VPS37A: variants seen among roughly 807,000 people sequenced by gnomAD.
VPS37A encodes vacuolar protein sorting-associated protein 37A.
In VPS37A, 30 loss-of-function variants were observed where a neutral mutation model predicts 49.8. The ratio of observed to expected loss-of-function variants is 0.60; its 90% CI spans 0.45 to 0.82. The LOEUF (loss-of-function observed/expected upper bound fraction) is 0.82. Among genes scored for constraint, VPS37A ranks in the 40% least tolerant of loss-of-function variants. The pLI, the probability that VPS37A is intolerant of heterozygous loss-of-function variation, is 0.00. For missense variants in VPS37A, 593 were observed against 464.4 expected, an observed-to-expected ratio of 1.28 and a Z score of -2.55; for synonymous variants, 195 against 160.6, an observed-to-expected ratio of 1.21 and a Z score of -1.62.
At chr8:17,319,557 AAATAAT>A in the VPS37A span, among the ~76,000 whole-genome samples, 4 of 152,246 alleles carry the variant, frequency 2.6e-5, no homozygotes, top group African/African-American at 2.4e-5. Flanking sequence ...GTTTTACCAG[AAATAAT>A]AATAATAATA....
intron 1 of VPS37A, among the ~76,000 whole-genome samples, chr8:17,252,950 T>G (rs1031666370): frequency 2.0e-5 from 3 of 152,234 alleles, no homozygotes; most frequent in Non-Finnish European, 4.4e-5. Flanking sequence ...ATCCTGTAAT[T>G]AAGTTAAAAC....
At chr8:17,310,537 C>T in the VPS37A span, among the ~76,000 whole-genome samples, 3 of 152,226 alleles carry the variant, frequency 2.0e-5, no homozygotes, top group African/African-American at 7.2e-5. Context: ...GACTGGCAAC[C>T]TCTTTACTCT....
At chr8:17,261,806 A>G (rs567894862) in intron 1 of VPS37A, among the ~76,000 whole-genome samples, 1 of 152,184 alleles carries the variant, frequency 6.6e-6, no homozygotes, top group African/African-American at 2.4e-5. Flanking sequence ...TTTCTGTGGA[A>G]TATATCTCCT....
downstream of VPS37A, chr8:17,300,272 C>A (rs760833349): frequency 1.3e-6 from 2 of 1,548,928 alleles, no homozygotes; most frequent in Non-Finnish European, 1.7e-6. Flanking sequence ...AATAACTTAT[C>A]TTTTTCTATA....
rs191745120 is a variant in VPS37A, at chr8:17,262,986, G to A, written c.126-2921G>A. Among the ~76,000 whole-genome samples the A allele has an allele frequency of 4.9e-3, 743 of 151,342 alleles. 8 individuals carry two copies. The highest frequency in any genetic ancestry group is 0.017 in the African/African-American group (714 of 41,080). On this transcript the variant is annotated intron_variant, in intron 1 of 11. Transcript: ENST00000324849. ...TGAGGCAGGAGAATCGGTTGAACCC[G>A]GGAGGCAGAGGTTGCAGTGAGCCGA... is the stretch of plus-strand genomic sequence containing the variant.
At chr8:17,263,950 A>G (rs1413848960) in intron 1 of VPS37A, among the ~76,000 whole-genome samples, 1 of 152,162 alleles carries the variant, frequency 6.6e-6, no homozygotes. Context: ...CAAAAAGACA[A>G]ACAAAAAACT....
intron 1 of VPS37A, among the ~76,000 whole-genome samples, chr8:17,265,475 C>T (rs11782959): frequency 0.21 from 32,358 of 151,986 alleles, 4,244 homozygotes; most frequent in East Asian, 0.59. Flanking sequence ...TAGGATGCGT[C>T]TCATCTAGAC....
chr8:17,263,890 A>C (rs1002470169), intron 1 of VPS37A, among the ~76,000 whole-genome samples: 1 of 152,164 alleles, frequency 6.6e-6, no homozygotes, highest in Admixed American at 6.5e-5. Context: ...CTAGTGAGCC[A>C]AGATCGTGTC....
the VPS37A span, chr8:17,331,340 A>G: frequency 6.6e-7 from 1 of 1,505,928 alleles, no homozygotes; most frequent in Non-Finnish European, 8.9e-7. Context: ...CAATGATGAA[A>G]CAACCAAAAC....
chr8:17,305,747 A>G (rs377660505), downstream of VPS37A: 18 of 1,597,974 alleles, frequency 1.1e-5, no homozygotes, highest in African/African-American at 2.1e-4. Flanking sequence ...AAAAACACCA[A>G]AACACTTACT....
chr8:17,281,891 G>A (rs910244229), intron 9 of VPS37A, among the ~76,000 whole-genome samples: 3 of 151,982 alleles, frequency 2.0e-5, no homozygotes, highest in Non-Finnish European at 2.9e-5. Context: ...GCTGAGTTTT[G>A]TATTTTCTAA....
downstream of VPS37A, among the ~76,000 whole-genome samples, chr8:17,307,084 C>T (rs1265680543): frequency 1.3e-5 from 2 of 152,106 alleles, no homozygotes; most frequent in Non-Finnish European, 2.9e-5. Flanking sequence ...GAAGAAACTA[C>T]CATCAGAGTG....
Position 17,247,376 on chromosome 8 carries a change from G to C in VPS37A, c.125+7G>C. ...TCCGGAACTCACACTCCAGGTGACT[G>C]GTCGCTGCCTCTCCACCGGAGGAAA... On this transcript the variant is annotated splice_region_variant and intron_variant, in intron 1 of 11. Transcript: ENST00000324849. 1 of 1,542,810 alleles carries C rather than the reference G, an allele frequency of 6.5e-7. No individual in the cohort carries two copies. Among genetic ancestry groups the C allele is most frequent in the South Asian group, 1.2e-5 (1 of 83,668 alleles).
At chr8:17,260,872 C>A (rs1476721356) in intron 1 of VPS37A, among the ~76,000 whole-genome samples, 1 of 152,134 alleles carries the variant, frequency 6.6e-6, no homozygotes, top group African/African-American at 2.4e-5. Flanking sequence ...TATGTTGTTT[C>A]TTTCCTCTTG....
At chr8:17,282,241 A>G (rs960245767) in intron 9 of VPS37A, among the ~76,000 whole-genome samples, 6 of 152,146 alleles carry the variant, frequency 3.9e-5, no homozygotes, top group African/African-American at 9.6e-5. Flanking sequence ...AGACTTGTGT[A>G]TGTGAATAAT....
intron 1 of VPS37A, among the ~76,000 whole-genome samples, chr8:17,251,663 A>G (rs944619709): frequency 6.6e-6 from 1 of 152,222 alleles, no homozygotes; most frequent in Admixed American, 6.5e-5. Flanking sequence ...ATTAGGCATG[A>G]TGCAGGTAAA....
At chr8:17,307,074 G>A (rs1437308053), downstream of VPS37A, among the ~76,000 whole-genome samples, 18 of 152,148 alleles carry the variant, frequency 1.2e-4, no homozygotes, top group East Asian at 1.9e-3. Context: ...CTGCACAGCA[G>A]AAGAAACTAC....
At chr8:17,284,696 A>C (rs980775665) in intron 10 of VPS37A, 80 bp downstream of exon 10, 1 of 1,451,576 alleles carries the variant, frequency 6.9e-7, no homozygotes, top group African/African-American at 1.5e-5. Context: ...ACTGGGTGTT[A>C]GCTATTTCTC....
intron 2 of VPS37A, 45 bp from the exon 3 acceptor site, chr8:17,268,213 T>A: frequency 7.3e-7 from 1 of 1,363,942 alleles, no homozygotes; most frequent in Non-Finnish European, 1.0e-6. Context: ...ATAATGTACC[T>A]TTGTTATCTT....
Sources: gnomAD v4.1 joint callset for allele counts (sites outside exome capture counted in the v4.1 genomes callset) on GRCh38, gnomAD v4.1.1 for gene constraint, MANE v1.5 for transcripts, NCBI Gene and HGNC (gene_info 2026-07-23, HGNC 2026-07-21) for gene names.